TYW1: variants seen among roughly 807,000 people sequenced by gnomAD.
TYW1 encodes the protein S-adenosyl-L-methionine-dependent tRNA 4-demethylwyosine synthase TYW1.
Under a neutral mutation model 96.2 loss-of-function variants are expected in TYW1, and 46 were observed. The observed-to-expected ratio is 0.48, with a 90% CI of 0.38 to 0.61. TYW1 has a LOEUF of 0.61. TYW1 is among the 20% of genes least tolerant of loss of function. TYW1 has a pLI of 0.00. For synonymous variants in TYW1, 274 were observed against 323.0 expected (o/e 0.85, Z 1.63); for missense variants, 684 against 909.6 (o/e 0.75, Z 3.19).
intron 4 of TYW1, among the ~76,000 whole-genome samples, chr7:67,012,741 C>T (rs1201703767): frequency 1.3e-5 from 2 of 152,034 alleles, no homozygotes; most frequent in African/African-American, 4.8e-5. Flanking sequence ...AAGGTCAAAA[C>T]GCAGTCAAAA....
chr7:67,226,678 T>C (rs1339303430), intron 15 of TYW1, among the ~76,000 whole-genome samples: 2 of 152,230 alleles, frequency 1.3e-5, no homozygotes, highest in Non-Finnish European at 2.9e-5. Context: ...TGTGAATTAC[T>C]CTTTCTCCAT....
At chr7:67,101,300 G>A (rs1345799036) in intron 12 of TYW1, among the ~76,000 whole-genome samples, 1 of 152,078 alleles carries the variant, frequency 6.6e-6, no homozygotes, top group Non-Finnish European at 1.5e-5. Flanking sequence ...TTTACTGTCT[G>A]CTGTTTCTGG....
chr7:67,225,916 A>C (rs1282461681), intron 15 of TYW1, among the ~76,000 whole-genome samples: 1 of 151,240 alleles, frequency 6.6e-6, no homozygotes, highest in African/African-American at 2.4e-5. Context: ...AGGTGGCAAC[A>C]GCTCTCAGCA....
chr7:67,165,077 T>C (rs2687050), intron 13 of TYW1, among the ~76,000 whole-genome samples: 35,478 of 148,782 alleles, frequency 0.24, 4,384 homozygotes, highest in Middle Eastern at 0.28. Flanking sequence ...CCACCGTCAA[T>C]GAACAAATAT....
intron 15 of TYW1, among the ~76,000 whole-genome samples, chr7:67,236,162 G>A (rs1487387907): frequency 1.3e-5 from 2 of 152,214 alleles, no homozygotes; most frequent in Admixed American, 1.3e-4. Context: ...ACTTCCCAGA[G>A]CAAAGGATGA....
chr7:67,169,006 C>T (rs180724253), intron 13 of TYW1, among the ~76,000 whole-genome samples: 2,463 of 152,170 alleles, frequency 0.016, 31 homozygotes, highest in Admixed American at 0.045. Context: ...GCACTGTGGC[C>T]GGCCTGTTTC....
intron 13 of TYW1, among the ~76,000 whole-genome samples, chr7:67,167,742 G>GTTTTTATTTA (rs1312162336): frequency 1.3e-5 from 2 of 151,424 alleles, no homozygotes; most frequent in African/African-American, 4.9e-5. Flanking sequence ...GTTTTTATTT[G>GTTTTTATTTA]TTTTTATTTA....
rs533166989 is a variant in TYW1 at position 67,030,514 on chromosome 7, C to T, written c.984+5492C>T. Among the ~76,000 whole-genome samples, 3 of 152,294 alleles carry T rather than the reference C, an allele frequency of 2.0e-5. No individual in the cohort carries two copies. The South Asian group carries it at 6.2e-4, about 32-fold the overall frequency. The stretch of plus-strand genomic sequence containing the variant: ...GGGCGTAGTGGTACGTGCCTGTAAT[C>T]CCAGCTACTCAGGAGGCTGAGGCAG... On this transcript the variant is annotated intron_variant, in intron 7 of 15. Coordinates refer to ENST00000359626, the MANE Select transcript of TYW1 (RefSeq NM_018264.4).
intron 12 of TYW1, among the ~76,000 whole-genome samples, chr7:67,112,015 C>G (rs1370926233): frequency 6.8e-6 from 1 of 146,704 alleles, no homozygotes; most frequent in African/African-American, 2.5e-5. Context: ...AGGAGAATCG[C>G]TTGAACCTGG....
At chr7:67,086,251 G>C (rs547180406) in intron 11 of TYW1, among the ~76,000 whole-genome samples, 3 of 152,324 alleles carry the variant, frequency 2.0e-5, no homozygotes, top group Middle Eastern at 3.4e-3. Context: ...TAAAGAACTA[G>C]TAAGCCCCAC....
At chr7:67,162,041 A>G (rs1225346510) in intron 13 of TYW1, among the ~76,000 whole-genome samples, 1 of 152,196 alleles carries the variant, frequency 6.6e-6, no homozygotes, top group Non-Finnish European at 1.5e-5. Context: ...TCACGCCTGT[A>G]ATCCCAGCAC....
At chr7:67,049,499 G>T (rs1795292772) in intron 7 of TYW1, among the ~76,000 whole-genome samples, 1 of 151,742 alleles carries the variant, frequency 6.6e-6, no homozygotes, top group South Asian at 2.1e-4. Flanking sequence ...GGGTTTTGTG[G>T]GCCATGGTTC....
At chr7:67,055,912 AT>A (rs1795500709) in intron 9 of TYW1, 25 bp downstream of exon 9, 5 of 1,597,024 alleles carry the variant, frequency 3.1e-6, no homozygotes, top group Admixed American at 1.7e-5. Flanking sequence ...TTTATTCAAT[AT>A]GTCTATTACA....
chr7:67,114,953 G>A (rs1171193173), intron 12 of TYW1, among the ~76,000 whole-genome samples: 2 of 151,662 alleles, frequency 1.3e-5, no homozygotes, highest in Non-Finnish European at 2.9e-5. Flanking sequence ...CAGACATCTG[G>A]TATTGACTAG....
intron 15 of TYW1, among the ~76,000 whole-genome samples, chr7:67,216,818 G>A (rs1161570422): frequency 6.6e-6 from 1 of 151,314 alleles, no homozygotes; most frequent in Non-Finnish European, 1.5e-5. Context: ...TTTCCATCAT[G>A]ATTTCTTATT....
intron 7 of TYW1, among the ~76,000 whole-genome samples, chr7:67,028,585 C>T (rs576640804): frequency 2.6e-5 from 4 of 152,316 alleles, no homozygotes; most frequent in African/African-American, 7.2e-5. Context: ...AAACATTTCT[C>T]GCCTTTCAGA....
At chr7:67,099,608 A>G (rs987811400) in intron 12 of TYW1, among the ~76,000 whole-genome samples, 1 of 152,154 alleles carries the variant, frequency 6.6e-6, no homozygotes, top group African/African-American at 2.4e-5. Context: ...GCAACTGGGG[A>G]GACAAGAAGC....
chr7:67,075,161 T>C (rs964428512), intron 10 of TYW1, among the ~76,000 whole-genome samples: 2 of 152,230 alleles, frequency 1.3e-5, no homozygotes, highest in African/African-American at 4.8e-5. Context: ...TAAAATGCTG[T>C]TCCACCAATT....
intron 13 of TYW1, among the ~76,000 whole-genome samples, chr7:67,136,144 C>T (rs907160952): frequency 3.3e-5 from 5 of 152,120 alleles, no homozygotes; most frequent in Admixed American, 6.5e-5. Context: ...TGGAGGTGAT[C>T]GTGTGTGGGA....
Sources: gnomAD v4.1 joint callset for allele counts (sites outside exome capture counted in the v4.1 genomes callset) on GRCh38, gnomAD v4.1.1 for gene constraint, MANE v1.5 for transcripts, NCBI Gene and HGNC (gene_info 2026-07-23, HGNC 2026-07-21) for gene names.